Variants in CSNK1G1 observed in about 807,000 individuals in gnomAD.
The protein encoded by CSNK1G1 is casein kinase I isoform gamma-1.
Under a neutral mutation model 59.6 loss-of-function variants are expected in CSNK1G1, and 22 were observed. The ratio of observed to expected loss-of-function variants is 0.37; its 90% CI spans 0.26 to 0.53. The LOEUF is 0.53. CSNK1G1 is among the 20% of genes least tolerant of loss of function. CSNK1G1 has a pLI of 0.89. For missense variants in CSNK1G1, 384 were observed against 519.5 expected (o/e 0.74, Z 2.54); for synonymous variants, 179 against 177.1 (o/e 1.01, Z -0.08).
chr15:64,258,905 TC>T (rs1892539621), intron 3 of CSNK1G1, among the ~76,000 whole-genome samples: 1 of 152,286 alleles, frequency 6.6e-6, no homozygotes, highest in South Asian at 2.1e-4. Context: ...TTAAGATACC[TC>T]TGTGAAAGAT....
intron 2 of CSNK1G1, among the ~76,000 whole-genome samples, chr15:64,275,598 T>A (rs1161142455): frequency 6.6e-6 from 1 of 152,184 alleles, no homozygotes. Flanking sequence ...TAAAGCTTAA[T>A]ATCACTGGGA....
At chr15:64,204,149 C>T (rs1399494292) in intron 9 of CSNK1G1, among the ~76,000 whole-genome samples, 1 of 151,550 alleles carries the variant, frequency 6.6e-6, no homozygotes, top group African/African-American at 2.4e-5. Context: ...AAACAAACTT[C>T]TGAATCATTC....
intron 10 of CSNK1G1, among the ~76,000 whole-genome samples, chr15:64,202,674 T>A (rs1400327497): frequency 6.6e-6 from 1 of 152,002 alleles, no homozygotes; most frequent in Non-Finnish European, 1.5e-5. Flanking sequence ...CACCTCAGCC[T>A]CCAAAGTAGC....
At chr15:64,311,901 G>A (rs901875208) in intron 1 of CSNK1G1, among the ~76,000 whole-genome samples, 5 of 152,018 alleles carry the variant, frequency 3.3e-5, no homozygotes, top group South Asian at 2.1e-4. Flanking sequence ...AAGCTGATAA[G>A]CAACTTCAGC....
chr15:64,244,784 C>T (rs1359349209), intron 4 of CSNK1G1, among the ~76,000 whole-genome samples: 1 of 151,980 alleles, frequency 6.6e-6, no homozygotes, highest in Non-Finnish European at 1.5e-5. Flanking sequence ...CATCACTGCA[C>T]TACAGCCTGG....
intron 10 of CSNK1G1, among the ~76,000 whole-genome samples, chr15:64,182,232 T>C (rs1293681173): frequency 2.0e-5 from 3 of 151,564 alleles, no homozygotes; most frequent in African/African-American, 7.3e-5. Flanking sequence ...CCTGGCTGTT[T>C]GTTTGTTTTG....
rs1488297986 is a variant in CSNK1G1 at position 64,166,744 on chromosome 15, C to T, written c.*5187G>A. The T allele has an allele frequency of 2.0e-5, 3 of 152,588 alleles. No homozygotes were observed. The highest frequency in any genetic ancestry group is 7.2e-5 in the African/African-American group (3 of 41,422). The allele number at this position is 152,588 out of a possible 1,614,324, so 9.5% of individuals were successfully genotyped here. A position where few individuals can be genotyped will look rare whatever the true frequency, so the allele number is the denominator to read the frequency against. ...ATGAACTGAAAATGTCTCACCTGTA[C>T]TGAAAGAGGGGTGGGTGGGGACATT... On this transcript the variant is annotated 3_prime_UTR_variant, in exon 12 of 12. Transcript: ENST00000303052. The surrounding 1 kb of genome is among the most constrained non-coding windows in gnomAD (Gnocchi z 4.5).
At chr15:64,325,913 G>A (rs1258668927) in intron 1 of CSNK1G1, among the ~76,000 whole-genome samples, 1 of 152,138 alleles carries the variant, frequency 6.6e-6, no homozygotes, top group East Asian at 1.9e-4. Context: ...TTCCAGTGGT[G>A]CTACCCACAT....
In CSNK1G1 at chr15:64,165,940, C is replaced by A; in HGVS notation, c.*5991G>T. ...CTACTTCCTCTGCAGAGAAGATTTT[C>A]CTAATGGTGCACAAATATCTCTCCT... On this transcript the variant is annotated 3_prime_UTR_variant, in exon 12 of 12. Transcript: ENST00000303052. The A allele has an allele frequency of 1.6e-6, 1 of 614,418 alleles. No individual in the cohort carries two copies. Among genetic ancestry groups the A allele is most frequent in the Non-Finnish European group, 2.9e-6 (1 of 345,884 alleles). The allele number at this position is 614,418 out of a possible 1,614,324, so 38.1% of individuals were successfully genotyped here.
chr15:64,206,586 CAAAAAAAAAA>C (rs36192246), intron 7 of CSNK1G1, among the ~76,000 whole-genome samples: 2 of 49,672 alleles, frequency 4.0e-5, no homozygotes, highest in Non-Finnish European at 6.6e-5. Context: ...AACTCTGTCT[CAAAAAAAAAA>C]AAAAAAAAAA....
chr15:64,239,895 T>A (rs1009250989), intron 4 of CSNK1G1, among the ~76,000 whole-genome samples: 3 of 152,180 alleles, frequency 2.0e-5, no homozygotes, highest in Non-Finnish European at 4.4e-5. Context: ...GAAGAAAGTC[T>A]CTGAGCTTGA....
At chr15:64,335,748 A>C (rs1400006108) in intron 1 of CSNK1G1, 1 of 152,236 alleles carries the variant, frequency 6.6e-6, no homozygotes, top group Admixed American at 6.5e-5. Context: ...CTGTTGATCA[A>C]GAAAATACTA....
At chr15:64,288,095 GA>G (rs535650901) in intron 2 of CSNK1G1, among the ~76,000 whole-genome samples, 39 of 151,714 alleles carry the variant, frequency 2.6e-4, no homozygotes, top group African/African-American at 8.7e-4. Context: ...TGGACTTGAG[GA>G]AAAAAAATTA....
chr15:64,171,246 AAG>A lies in CSNK1G1; in HGVS notation c.*683_*684del, dbSNP rs1269507012. On this transcript the variant is annotated 3_prime_UTR_variant, in exon 12 of 12. Coordinates refer to ENST00000303052, the MANE Select transcript of CSNK1G1 (RefSeq NM_022048.5). The surrounding 1 kb of genome is among the most constrained non-coding windows in gnomAD (Gnocchi z 4.8). ...TTTCATTGTCCTACTACCTGGAGAA[AAG>A]AGTTTGTCAAAAAAGCTAAGAACGC... 6.5e-6 allele frequency: 1 copy of A among 152,672 alleles called. No homozygotes were observed. Among genetic ancestry groups the A allele is most frequent in the African/African-American group, 2.4e-5 (1 of 41,462 alleles). The allele number at this position is 152,672 out of a possible 1,614,324, so 9.5% of individuals were successfully genotyped here. A position where few individuals can be genotyped will look rare whatever the true frequency, so the allele number is the denominator to read the frequency against.
At chr15:64,329,937 C>A (rs1236385894) in intron 1 of CSNK1G1, among the ~76,000 whole-genome samples, 6 of 150,146 alleles carry the variant, frequency 4.0e-5, no homozygotes, top group African/African-American at 1.5e-4. Flanking sequence ...GAAATGGATA[C>A]ATTCCTCGAC....
At chr15:64,268,461 A>G (rs1157071840) in intron 2 of CSNK1G1, among the ~76,000 whole-genome samples, 2 of 152,214 alleles carry the variant, frequency 1.3e-5, no homozygotes, top group Non-Finnish European at 2.9e-5. Context: ...ATTTCATGTT[A>G]TAACACTGAT....
rs376043913 is a variant in CSNK1G1, at chr15:64,214,425, A to G, written c.445-301T>C. On this transcript the variant is annotated intron_variant, in intron 5 of 11. Transcript: ENST00000303052. The surrounding 1 kb of genome is among the most constrained non-coding windows in gnomAD (Gnocchi z 4.3). ...ATGACAAATGAAATCAGTTGTTTAT[A>G]TGCTACGTCAGAAAATTAAGCATTT... Among the ~76,000 whole-genome samples the G allele has an allele frequency of 3.8e-4, 58 of 152,354 alleles. No homozygotes were observed. Among genetic ancestry groups the G allele is most frequent in the South Asian group, 1.2e-3 (6 of 4,834 alleles).
At chr15:64,243,560 A>G (rs75757021) in intron 4 of CSNK1G1, among the ~76,000 whole-genome samples, 6,519 of 152,232 alleles carry the variant, frequency 0.043, 158 homozygotes, top group South Asian at 0.079. Flanking sequence ...CAAACAGGCA[A>G]GAAAAAGACA....
intron 2 of CSNK1G1, among the ~76,000 whole-genome samples, chr15:64,264,491 A>C (rs1286847648): frequency 6.6e-6 from 1 of 152,240 alleles, no homozygotes; most frequent in Non-Finnish European, 1.5e-5. Flanking sequence ...TCAAAAAACC[A>C]AAGAGGAGGG....
Sources: allele counts gnomAD v4.1 joint callset (sites outside exome capture counted in the v4.1 genomes callset), GRCh38; gene constraint gnomAD v4.1.1; non-coding constraint Gnocchi (gnomAD v3.1); transcripts MANE v1.5; gene names NCBI Gene and HGNC (gene_info 2026-07-23, HGNC 2026-07-21).